The following ADAD1 variants were observed in gnomAD, a reference collection of about 807,000 sequenced individuals.
ADAD1 encodes adenosine deaminase domain containing 1.
Under a neutral mutation model 66.8 loss-of-function variants are expected in ADAD1, and 46 were observed. That is an observed-to-expected ratio of 0.69 (90% CI 0.54 to 0.88). The LOEUF is 0.88. ADAD1 is among the 40% of genes least tolerant of loss of function. The pLI, the probability that ADAD1 is intolerant of heterozygous loss-of-function variation, is 0.00. For missense variants in ADAD1, 617 were observed against 681.8 expected, an observed-to-expected ratio of 0.91 and a Z score of 1.06; for synonymous variants, 248 against 229.4, an observed-to-expected ratio of 1.08 and a Z score of -0.73.
At chr4:122,424,025 A>G (rs921475928) in intron 12 of ADAD1, among the ~76,000 whole-genome samples, 1 of 152,210 alleles carries the variant, frequency 6.6e-6, no homozygotes, top group African/African-American at 2.4e-5. Flanking sequence ...AAGCTGTCAT[A>G]AAAGAGACAG....
chr4:122,421,191 T>C, intron 11 of ADAD1, 70 bp from the exon 12 acceptor site: 19 of 1,241,056 alleles, frequency 1.5e-5, no homozygotes, highest in Non-Finnish European at 2.0e-5. Flanking sequence ...CATATTGATT[T>C]TAATCTATAC....
rs1036375218 is a variant in ADAD1 at position 122,392,673 on chromosome 4, T to C, written c.530-916T>C. On this transcript the variant is annotated intron_variant, in intron 5 of 12. Coordinates refer to ENST00000296513, the MANE Select transcript of ADAD1 (RefSeq NM_139243.4). The stretch of plus-strand genomic sequence containing the variant: ...ATGCAGTATTCCCATTTAACAAACC[T>C]ACACATGTACCTCCTGTATCTAAAA... Among the ~76,000 whole-genome samples the C allele has an allele frequency of 2.0e-5, 3 of 152,172 alleles. No individual in the cohort carries two copies. In the East Asian group the frequency reaches 5.8e-4, roughly 29 times the overall value.
At chr4:122,416,190 A>C (rs1212121823) in intron 11 of ADAD1, among the ~76,000 whole-genome samples, 1 of 152,194 alleles carries the variant, frequency 6.6e-6, no homozygotes, top group Non-Finnish European at 1.5e-5. Flanking sequence ...TTACCCAAGT[A>C]GTTAATGACA....
chr4:122,385,208 T>C (rs894741982), intron 5 of ADAD1, among the ~76,000 whole-genome samples: 1 of 151,124 alleles, frequency 6.6e-6, no homozygotes, highest in Non-Finnish European at 1.5e-5. Flanking sequence ...CTCATCACTG[T>C]TTTAAAATTA....
At chr4:122,409,517 T>C (rs1188822614) in intron 8 of ADAD1, among the ~76,000 whole-genome samples, 1 of 152,196 alleles carries the variant, frequency 6.6e-6, no homozygotes, top group Admixed American at 6.5e-5. Context: ...AGCATTTATC[T>C]TGTGTTACAA....
chr4:122,415,920 C>T (rs957851795), intron 11 of ADAD1, among the ~76,000 whole-genome samples: 1 of 152,094 alleles, frequency 6.6e-6, no homozygotes, highest in Admixed American at 6.5e-5. Flanking sequence ...GTTTCTCCAA[C>T]TGTAATTTCA....
chr4:122,413,879 A>ATATATATATATATATATATAT (rs1796585257), intron 10 of ADAD1, among the ~76,000 whole-genome samples: 2 of 70,994 alleles, frequency 2.8e-5, no homozygotes, highest in African/African-American at 4.5e-5. Flanking sequence ...TATATATATG[A>ATATATATATATATATATATAT]ATTATTGTCA....
intron 8 of ADAD1, among the ~76,000 whole-genome samples, chr4:122,410,778 C>A (rs1328774188): frequency 6.6e-6 from 1 of 152,110 alleles, no homozygotes; most frequent in Non-Finnish European, 1.5e-5. Context: ...TCTTTAAAAC[C>A]ATTAAGGAGC....
chr4:122,380,915 G>A (rs1033399097), intron 3 of ADAD1, 77 bp from the exon 4 acceptor site: 81 of 1,306,388 alleles, frequency 6.2e-5, no homozygotes, highest in Non-Finnish European at 8.1e-5. Flanking sequence ...CTTCCATTTC[G>A]GGGAGGATTT....
chr4:122,412,667 T>A lies in ADAD1; in HGVS notation c.1107T>A (p.Thr369=). ...HVAVEGKIYL[T]VYCPKDGVNR... Reference sequence around the variant, plus strand: ...CTGTTGAAGGCAAAATTTATCTGACTGTTTACTGTCCTAAAGATGGTGTTA... The same window carrying A: ...CTGTTGAAGGCAAAATTTATCTGACAGTTTACTGTCCTAAAGATGGTGTTA... The change falls in exon 10 of 13, where the codon ACT becomes ACA. Residue 369 remains threonine (T), a synonymous_variant. Coordinates refer to ENST00000296513, the MANE Select transcript of ADAD1 (RefSeq NM_139243.4). 6.2e-7 allele frequency: 1 copy of A among 1,613,936 alleles called. No homozygotes were observed.
chr4:122,419,140 A>G (rs1262384640), intron 11 of ADAD1, among the ~76,000 whole-genome samples: 1 of 152,228 alleles, frequency 6.6e-6, no homozygotes, highest in Admixed American at 6.5e-5. Flanking sequence ...AATGTCCATC[A>G]ATGATGGACT....
intron 5 of ADAD1, among the ~76,000 whole-genome samples, chr4:122,391,622 G>T (rs1021616366): frequency 6.6e-6 from 1 of 152,230 alleles, no homozygotes; most frequent in African/African-American, 2.4e-5. Context: ...TCAGGTTTAG[G>T]CCTGAAGAGG....
chr4:122,422,934 A>T (rs187301920), intron 12 of ADAD1, among the ~76,000 whole-genome samples: 133 of 147,288 alleles, frequency 9.0e-4, no homozygotes, highest in African/African-American at 2.9e-3. Flanking sequence ...CCTGGGGGAC[A>T]GAGCAAGACC....
intron 11 of ADAD1, among the ~76,000 whole-genome samples, chr4:122,416,527 G>A (rs982925938): frequency 6.6e-6 from 1 of 152,026 alleles, no homozygotes; most frequent in African/African-American, 2.4e-5. Context: ...AAGAGTTCAA[G>A]ACCAATCTGG....
chr4:122,427,810 G>A (rs929696571), intron 12 of ADAD1, among the ~76,000 whole-genome samples: 1 of 151,932 alleles, frequency 6.6e-6, no homozygotes, highest in African/African-American at 2.4e-5. Context: ...ACAGGTGTAA[G>A]CCACCACACC....
intron 12 of ADAD1, among the ~76,000 whole-genome samples, chr4:122,424,924 TA>T (rs1797162244): frequency 6.6e-6 from 1 of 152,100 alleles, no homozygotes; most frequent in African/African-American, 2.4e-5. Context: ...CTGGAATGTT[TA>T]TATTAATATT....
At chr4:122,395,259 C>G (rs1055346429) in intron 6 of ADAD1, among the ~76,000 whole-genome samples, 1 of 151,998 alleles carries the variant, frequency 6.6e-6, no homozygotes, top group African/African-American at 2.4e-5. Flanking sequence ...CCATGTAGAC[C>G]AGACTGGTCC....
At chr4:122,381,291 T>C in intron 4 of ADAD1, 111 bp downstream of exon 4, 1 of 1,099,764 alleles carries the variant, frequency 9.1e-7, no homozygotes, top group Non-Finnish European at 1.3e-6. Flanking sequence ...TGATTGTATG[T>C]TTTCACAAGA....
At chr4:122,397,814 A>G (rs1188647904) in intron 7 of ADAD1, among the ~76,000 whole-genome samples, 6 of 152,198 alleles carry the variant, frequency 3.9e-5, no homozygotes, top group Non-Finnish European at 5.9e-5. Context: ...TAGGGAATCT[A>G]GAAGCTAGTG....
Sources: allele counts gnomAD v4.1 joint callset (sites outside exome capture counted in the v4.1 genomes callset), GRCh38; gene constraint gnomAD v4.1.1; transcripts MANE v1.5; gene names NCBI Gene and HGNC (gene_info 2026-07-23, HGNC 2026-07-21).